MYO1D: variants seen among roughly 807,000 people sequenced by gnomAD.
MYO1D encodes the protein myosin ID.
Under a neutral mutation model 122.0 loss-of-function variants are expected in MYO1D, and 83 were observed. The observed-to-expected ratio is 0.68, with a 90% CI of 0.57 to 0.82. The LOEUF (loss-of-function observed/expected upper bound fraction) is 0.82, where lower values mean the gene tolerates loss of function less well. Ranked by LOEUF, MYO1D falls within the 40% of genes least tolerant of loss-of-function variation. MYO1D has a pLI of 0.00. For missense variants in MYO1D, 1,157 were observed against 1,269.5 expected (o/e 0.91, Z 1.35); for synonymous variants, 464 against 446.9 (o/e 1.04, Z -0.48).
chr17:32,630,870 G>A lies in MYO1D; in HGVS notation c.2709+7852C>T, dbSNP rs1360226653. On this transcript the variant is annotated intron_variant, in intron 20 of 21. Transcript: ENST00000318217. ...TTACAGGCATGAGCCACCACGCCCT[G>A]CCGGTAGAGTTGTTCTTCTGACGGC... Among the ~76,000 whole-genome samples, 3 of 152,154 alleles carry A rather than the reference G, an allele frequency of 2.0e-5. No individual in the cohort carries two copies. The East Asian group carries it at 5.8e-4, about 29-fold the overall frequency.
intron 21 of MYO1D, among the ~76,000 whole-genome samples, chr17:32,543,768 C>A (rs1427082888): frequency 1.3e-5 from 2 of 151,952 alleles, no homozygotes; most frequent in African/African-American, 2.4e-5. Flanking sequence ...ACTAGATAAT[C>A]CCATGCATAT....
chr17:32,839,624 G>A (rs2090859453), intron 1 of MYO1D, among the ~76,000 whole-genome samples: 1 of 152,132 alleles, frequency 6.6e-6, no homozygotes, highest in Admixed American at 6.6e-5. Flanking sequence ...AGGGAAGCAT[G>A]GGGAAGGAAG....
chr17:32,547,252 A>G (rs2086971497), intron 21 of MYO1D, among the ~76,000 whole-genome samples: 2 of 152,106 alleles, frequency 1.3e-5, no homozygotes, highest in Admixed American at 1.3e-4. Context: ...TTTTTCATAT[A>G]TGTTACAGCA....
intron 21 of MYO1D, among the ~76,000 whole-genome samples, chr17:32,559,807 A>T (rs1217757993): frequency 6.6e-6 from 1 of 152,130 alleles, no homozygotes; most frequent in Non-Finnish European, 1.5e-5. Context: ...TCTATCATTA[A>T]TTTTTTGTAA....
chr17:32,790,191 A>T (rs2151035514), intron 1 of MYO1D, among the ~76,000 whole-genome samples: 1 of 152,274 alleles, frequency 6.6e-6, no homozygotes, highest in South Asian at 2.1e-4. Context: ...CGTTCCCCAT[A>T]CAGTAGCAAG....
chr17:32,551,931 C>G (rs571091909), intron 21 of MYO1D, among the ~76,000 whole-genome samples: 1 of 152,196 alleles, frequency 6.6e-6, no homozygotes, highest in Non-Finnish European at 1.5e-5. Flanking sequence ...TTCAAATCTC[C>G]TCCAGTAAAC....
At chr17:32,540,923 CAA>C (rs33945323) in intron 21 of MYO1D, among the ~76,000 whole-genome samples, 16,480 of 83,528 alleles carry the variant, frequency 0.2, 657 homozygotes, top group Middle Eastern at 0.26. Flanking sequence ...GACTTCGTCT[CAA>C]AAAAAAAAAA....
intron 21 of MYO1D, among the ~76,000 whole-genome samples, chr17:32,561,330 C>T (rs920671757): frequency 1.3e-5 from 2 of 150,824 alleles, no homozygotes; most frequent in Admixed American, 1.3e-4. Flanking sequence ...TCTTTTTTTG[C>T]TTCAATTTTT....
intron 21 of MYO1D, among the ~76,000 whole-genome samples, chr17:32,582,741 C>A (rs114519225): frequency 3.7e-3 from 557 of 152,270 alleles, no homozygotes; most frequent in African/African-American, 0.013. Context: ...ATTATGGAGA[C>A]AGAAGAATTG....
chr17:32,795,336 A>G (rs1477155896), intron 1 of MYO1D, among the ~76,000 whole-genome samples: 1 of 152,198 alleles, frequency 6.6e-6, no homozygotes, highest in Non-Finnish European at 1.5e-5. Context: ...CACGGCAAGG[A>G]GAACACATAC....
At chr17:32,736,946 A>G (rs2089709278) in intron 14 of MYO1D, among the ~76,000 whole-genome samples, 1 of 151,038 alleles carries the variant, frequency 6.6e-6, no homozygotes, top group Admixed American at 6.6e-5. Context: ...GCCTTTCTGG[A>G]GGTTTGATTA....
intron 20 of MYO1D, among the ~76,000 whole-genome samples, chr17:32,609,725 G>C (rs188161838): frequency 6.6e-5 from 10 of 152,150 alleles, no homozygotes; most frequent in African/African-American, 2.2e-4. Flanking sequence ...TTTCATAGGA[G>C]GTGAGTTCTT....
intron 1 of MYO1D, among the ~76,000 whole-genome samples, chr17:32,784,456 T>C (rs1238814102): frequency 6.6e-6 from 1 of 152,218 alleles, no homozygotes. Flanking sequence ...CTTTTTTTTT[T>C]CCTTTTTAGA....
At chr17:32,592,410 A>C (rs1271009984) in intron 21 of MYO1D, among the ~76,000 whole-genome samples, 1 of 152,222 alleles carries the variant, frequency 6.6e-6, no homozygotes, top group Non-Finnish European at 1.5e-5. Context: ...ACATGCACTT[A>C]AGATGGATGC....
At chr17:32,562,921 G>C (rs1047328191) in intron 21 of MYO1D, among the ~76,000 whole-genome samples, 8 of 152,092 alleles carry the variant, frequency 5.3e-5, no homozygotes, top group Admixed American at 5.2e-4. Flanking sequence ...TTTTTAAAGG[G>C]AGGGGCATTT....
chr17:32,876,691 G>A, intron 1 of MYO1D, 87 bp downstream of exon 1: 2 of 1,150,864 alleles, frequency 1.7e-6, no homozygotes, highest in Non-Finnish European at 2.4e-6. Context: ...GGGCGCTCCC[G>A]ACACCCCGGA....
Position 32,867,662 on chromosome 17 carries a change from T to C in MYO1D, c.95+9116A>G, listed in dbSNP as rs1598168191. Among the ~76,000 whole-genome samples the C allele has an allele frequency of 4.0e-5, 6 of 151,842 alleles. No individual in the cohort carries two copies. The South Asian group carries it at 1.3e-3, about 32-fold the overall frequency. ...AAATGCAAAAATCAGCTGGGCATGG[T>C]GGCAGGCGCCTGTAATCCCAGCTAC... On this transcript the variant is annotated intron_variant, in intron 1 of 21. Transcript: ENST00000318217.
chr17:32,727,740 T>A (rs1294454443), intron 14 of MYO1D: 2 of 152,214 alleles, frequency 1.3e-5, no homozygotes, highest in East Asian at 3.9e-4. Flanking sequence ...AATGATTTAT[T>A]CAAAAGACAA....
chr17:32,532,574 A>G (rs1910539099), intron 21 of MYO1D, among the ~76,000 whole-genome samples: 1 of 152,006 alleles, frequency 6.6e-6, no homozygotes, highest in South Asian at 2.1e-4. Flanking sequence ...AAAAATACAA[A>G]AAATTAGCCG....
Sources: allele counts gnomAD v4.1 joint callset (sites outside exome capture counted in the v4.1 genomes callset), GRCh38; gene constraint gnomAD v4.1.1; transcripts MANE v1.5; gene names NCBI Gene and HGNC (gene_info 2026-07-23, HGNC 2026-07-21).